COX7B2: variants seen among roughly 807,000 people sequenced by gnomAD.
COX7B2 encodes the protein cytochrome c oxidase subunit 7B2, mitochondrial.
For synonymous variants in COX7B2, 37 were observed against 32.1 expected (o/e 1.15, Z -0.51); for missense variants, 109 against 95.9 (o/e 1.14, Z -0.57).
At chr4:46,759,787 TAAGTTATATAAGTCATATCTTATATAA>T (rs1716022247) in intron 2 of COX7B2, among the ~76,000 whole-genome samples, 1 of 137,836 alleles carries the variant, frequency 7.3e-6, no homozygotes, top group African/African-American at 2.6e-5. Flanking sequence ...TTATCTTATA[TAAGTTATATAAGTCATATCTTATATAA>T]GTTATATAAG....
At chr4:46,854,819 A>C (rs1716909876) in intron 1 of COX7B2, among the ~76,000 whole-genome samples, 1 of 152,316 alleles carries the variant, frequency 6.6e-6, no homozygotes, top group Non-Finnish European at 1.5e-5. Flanking sequence ...ACAAAAAATT[A>C]ATGACTTGAA....
At chr4:46,870,056 G>A (rs1338987664) in intron 1 of COX7B2, among the ~76,000 whole-genome samples, 2 of 152,046 alleles carry the variant, frequency 1.3e-5, no homozygotes, top group African/African-American at 2.4e-5. Context: ...ATACTTGGAG[G>A]TTTTATTCAT....
At chr4:46,869,792 T>C (rs530104126) in intron 1 of COX7B2, among the ~76,000 whole-genome samples, 2 of 152,250 alleles carry the variant, frequency 1.3e-5, no homozygotes, top group East Asian at 3.9e-4. Context: ...TTTCTCTCTT[T>C]AGCTGCCTTT....
intron 2 of COX7B2, among the ~76,000 whole-genome samples, chr4:46,761,777 C>A (rs1716158899): frequency 6.6e-6 from 1 of 151,972 alleles, no homozygotes; most frequent in Non-Finnish European, 1.5e-5. Flanking sequence ...GATTAAAAAT[C>A]AAGAGAGACC....
chr4:46,892,414 T>C (rs1719481767), intron 1 of COX7B2, among the ~76,000 whole-genome samples: 1 of 152,170 alleles, frequency 6.6e-6, no homozygotes, highest in East Asian at 1.9e-4. Context: ...TCATGACACA[T>C]TTTACATGAG....
intron 2 of COX7B2, among the ~76,000 whole-genome samples, chr4:46,843,378 T>C (rs1051361466): frequency 1.3e-5 from 2 of 152,022 alleles, no homozygotes; most frequent in Admixed American, 6.6e-5. Context: ...TCCTCTGAAG[T>C]AGTGATTTGC....
At chr4:46,751,168 C>T (rs1344965651) in intron 2 of COX7B2, among the ~76,000 whole-genome samples, 1 of 152,058 alleles carries the variant, frequency 6.6e-6, no homozygotes, top group Non-Finnish European at 1.5e-5. Context: ...TCTCACTTCA[C>T]ATAGTCAATT....
intron 2 of COX7B2, 113 bp downstream of exon 2, chr4:46,844,847 A>C (rs575598924): frequency 3.0e-4 from 45 of 152,190 alleles, no homozygotes; most frequent in African/African-American, 1.1e-3. Context: ...ATTTTTTAAA[A>C]ATGAATTCAG....
At chr4:46,849,056 T>C (rs1377418173) in intron 1 of COX7B2, among the ~76,000 whole-genome samples, 2 of 152,016 alleles carry the variant, frequency 1.3e-5, no homozygotes, top group East Asian at 3.9e-4. Flanking sequence ...GTCAGTACAG[T>C]TGCAATTCTT....
chr4:46,807,029 A>G (rs1719034158), intron 2 of COX7B2, among the ~76,000 whole-genome samples: 1 of 151,932 alleles, frequency 6.6e-6, no homozygotes, highest in Non-Finnish European at 1.5e-5. Context: ...CTTTGTATAT[A>G]CGGCCAGAAG....
At chr4:46,758,195 T>C (rs1057453101) in intron 2 of COX7B2, among the ~76,000 whole-genome samples, 2 of 152,154 alleles carry the variant, frequency 1.3e-5, no homozygotes, top group African/African-American at 2.4e-5. Flanking sequence ...AGGCAACATT[T>C]ATTCAATCAG....
rs574367673 is a variant in COX7B2, at chr4:46,735,043, A to G, written c.150T>C (p.Cys50=). 61 of 1,614,094 alleles carry G rather than the reference A, an allele frequency of 3.8e-5. No individual in the cohort carries two copies. Among genetic ancestry groups the G allele is most frequent in the Non-Finnish European group, 5.2e-5 (61 of 1,179,976 alleles). The part of the protein sequence containing the change: ...NAVLASGTAF[C]VATWVFTATQ... ...TGGCTGTAAACACCCATGTAGCAAC[A>G]CAGAAAGCAGTTCCACTGGCTAGCA... The change falls in exon 3 of 3, where the codon TGT becomes TGC. Residue 50 remains cysteine, a synonymous_variant. Coordinates refer to ENST00000355591, the MANE Select transcript of COX7B2 (RefSeq NM_130902.3).
chr4:46,877,231 C>A (rs143495538), intron 1 of COX7B2, among the ~76,000 whole-genome samples: 170 of 152,240 alleles, frequency 1.1e-3, no homozygotes, highest in African/African-American at 3.9e-3. Context: ...TACCATATTA[C>A]ACATGAGGAA....
At chr4:46,738,918 G>A (rs1279984286) in intron 2 of COX7B2, among the ~76,000 whole-genome samples, 3 of 152,016 alleles carry the variant, frequency 2.0e-5, no homozygotes, top group Non-Finnish European at 4.4e-5. Context: ...GAAGTTGAAA[G>A]ACTGATTGTG....
intron 2 of COX7B2, among the ~76,000 whole-genome samples, chr4:46,766,705 A>AG (rs1393189442): frequency 7.3e-6 from 1 of 137,032 alleles, no homozygotes; most frequent in Non-Finnish European, 1.6e-5. Context: ...CGTCTCGAAA[A>AG]GAAAAAAAAA....
intron 1 of COX7B2, among the ~76,000 whole-genome samples, chr4:46,894,334 T>G (rs113407488): frequency 9.9e-5 from 15 of 152,184 alleles, no homozygotes; most frequent in African/African-American, 3.4e-4. Flanking sequence ...GAAATAAGGC[T>G]GCCCACCTAC....
At chr4:46,905,553 T>C (rs1306131557) in intron 1 of COX7B2, among the ~76,000 whole-genome samples, 1 of 152,200 alleles carries the variant, frequency 6.6e-6, no homozygotes, top group Non-Finnish European at 1.5e-5. Flanking sequence ...TCATCCTACC[T>C]GGGAGTAAAA....
intron 2 of COX7B2, among the ~76,000 whole-genome samples, chr4:46,844,025 T>G (rs6447514): frequency 0.61 from 92,964 of 151,718 alleles, 28,489 homozygotes; most frequent in East Asian, 0.7. Context: ...GAGAGGAGTT[T>G]CTGGCTTGTA....
chr4:46,825,706 T>C (rs1714642191), intron 2 of COX7B2, among the ~76,000 whole-genome samples: 1 of 151,984 alleles, frequency 6.6e-6, no homozygotes, highest in Admixed American at 6.6e-5. Flanking sequence ...TGGAACAGAA[T>C]AGAGAGCCCA....
Sources: gnomAD v4.1 joint callset for allele counts (sites outside exome capture counted in the v4.1 genomes callset) on GRCh38, gnomAD v4.1.1 for gene constraint, MANE v1.5 for transcripts, NCBI Gene and HGNC (gene_info 2026-07-23, HGNC 2026-07-21) for gene names.